ADIPOR2: variants seen among roughly 807,000 people sequenced by gnomAD.
The protein encoded by ADIPOR2 is adiponectin receptor 2.
Under a neutral mutation model 40.9 loss-of-function variants are expected in ADIPOR2, and 18 were observed. The observed-to-expected ratio is 0.44, with a 90% CI of 0.30 to 0.65. ADIPOR2 has a LOEUF of 0.65. ADIPOR2 is among the 30% of genes least tolerant of loss of function. The pLI is 0.09. For missense variants in ADIPOR2, 283 were observed against 479.2 expected (o/e 0.59, Z 3.82); for synonymous variants, 165 against 166.4 (o/e 0.99, Z 0.06).
intron 1 of ADIPOR2, among the ~76,000 whole-genome samples, chr12:1,704,435 T>G (rs1486161861): frequency 6.6e-6 from 1 of 152,208 alleles, no homozygotes; most frequent in Non-Finnish European, 1.5e-5. Context: ...TGCTTTCACT[T>G]AAAAAAGAAA....
At chr12:1,723,662 A>AC (rs1555167483) in intron 1 of ADIPOR2, among the ~76,000 whole-genome samples, 5 of 150,260 alleles carry the variant, frequency 3.3e-5, no homozygotes, top group East Asian at 2.0e-4. Flanking sequence ...AAACAAAACA[A>AC]AACAACAACA....
chr12:1,724,297 T>C (rs893670330), intron 1 of ADIPOR2, among the ~76,000 whole-genome samples: 4 of 152,136 alleles, frequency 2.6e-5, no homozygotes, highest in East Asian at 1.9e-4. Context: ...TGGAATCTTA[T>C]TTCACCTTTC....
In ADIPOR2 at chr12:1,691,989, T is replaced by C. The variant is rs189851128; in HGVS notation, c.-87+798T>C. Among the ~76,000 whole-genome samples, 62 of 152,258 alleles carry C rather than the reference T, an allele frequency of 4.1e-4. No individual in the cohort carries two copies. The East Asian group carries it at 9.6e-3, about 24-fold the overall frequency. ...GGGGTACGGTGACTTCATTGCAGGT[T>C]GTTGACTTTTTTTTTAAAATAAGAT... On this transcript the variant is annotated intron_variant, in intron 1 of 7. Coordinates refer to ENST00000357103, the MANE Select transcript of ADIPOR2 (RefSeq NM_024551.3).
At chr12:1,723,405 G>T (rs1355727535) in intron 1 of ADIPOR2, among the ~76,000 whole-genome samples, 1 of 150,708 alleles carries the variant, frequency 6.6e-6, no homozygotes, top group African/African-American at 2.4e-5. Flanking sequence ...TGAGGCAGGT[G>T]GATCACCTGA....
chr12:1,723,765 C>T (rs1402956619), intron 1 of ADIPOR2, among the ~76,000 whole-genome samples: 2 of 152,116 alleles, frequency 1.3e-5, no homozygotes, highest in African/African-American at 4.8e-5. Flanking sequence ...AAAACAGTAA[C>T]GTGAGTCCTC....
chr12:1,746,918 A>G (rs1463546333), intron 1 of ADIPOR2, among the ~76,000 whole-genome samples: 1 of 152,098 alleles, frequency 6.6e-6, no homozygotes, highest in Non-Finnish European at 1.5e-5. Context: ...TGTCCCAGCT[A>G]CTTGGAAGGC....
chr12:1,757,426 T>C (rs1862157166), intron 2 of ADIPOR2: 1 of 728,840 alleles, frequency 1.4e-6, no homozygotes, highest in African/African-American at 1.7e-5. Flanking sequence ...CCAGAGTGCC[T>C]CTCTCTGTTG....
intron 1 of ADIPOR2, among the ~76,000 whole-genome samples, chr12:1,748,288 G>T (rs12372053): frequency 2.0e-5 from 3 of 151,634 alleles, no homozygotes; most frequent in Non-Finnish European, 4.4e-5. Flanking sequence ...TCTCTCTGTC[G>T]CCCAGGCTGG....
intron 7 of ADIPOR2, among the ~76,000 whole-genome samples, chr12:1,785,695 A>G (rs1862815220): frequency 6.6e-6 from 1 of 152,062 alleles, no homozygotes; most frequent in Non-Finnish European, 1.5e-5. Flanking sequence ...TTAAGTTTGT[A>G]GATTTTTATG....
intron 2 of ADIPOR2, among the ~76,000 whole-genome samples, chr12:1,764,241 G>A (rs567688632): frequency 4.0e-5 from 6 of 151,884 alleles, no homozygotes; most frequent in Non-Finnish European, 8.8e-5. Context: ...ATACTTTTTT[G>A]TAATGGGATA....
At chr12:1,734,593 T>C (rs1461084514) in intron 1 of ADIPOR2, among the ~76,000 whole-genome samples, 3 of 152,270 alleles carry the variant, frequency 2.0e-5, no homozygotes, top group African/African-American at 7.2e-5. Flanking sequence ...TTTCTTTTGC[T>C]GTGCAGAAGC....
chr12:1,725,782 T>C (rs984803689), intron 1 of ADIPOR2, among the ~76,000 whole-genome samples: 1 of 152,210 alleles, frequency 6.6e-6, no homozygotes, highest in African/African-American at 2.4e-5. Flanking sequence ...AAAGCCTACG[T>C]TAATGCATTG....
At chr12:1,733,362 C>T (rs888208080) in intron 1 of ADIPOR2, among the ~76,000 whole-genome samples, 4 of 151,948 alleles carry the variant, frequency 2.6e-5, no homozygotes, top group East Asian at 1.9e-4. Flanking sequence ...ACAGATGCTC[C>T]CTTATATATA....
chr12:1,754,529 A>G lies in ADIPOR2; in HGVS notation c.171+15A>G, dbSNP rs761095428. 4.4e-5 allele frequency: 70 copies of G among 1,590,110 alleles called. No individual in the cohort carries two copies. The highest frequency in any genetic ancestry group is 6.0e-5 in the Non-Finnish European group (70 of 1,169,150). On this transcript the variant is annotated intron_variant, in intron 2 of 7. Coordinates refer to ENST00000357103, the MANE Select transcript of ADIPOR2 (RefSeq NM_024551.3). ...ATCATAAAAAAGTAAGTCAAATTGGAAGAATGATAAACAAAGGAAAAAATG... is the reference window on the plus strand; with the variant it reads ...ATCATAAAAAAGTAAGTCAAATTGGGAGAATGATAAACAAAGGAAAAAATG...
At chr12:1,723,984 C>A (rs1037815047) in intron 1 of ADIPOR2, among the ~76,000 whole-genome samples, 1 of 144,260 alleles carries the variant, frequency 6.9e-6, no homozygotes, top group African/African-American at 2.5e-5. Context: ...AAAATGGAAT[C>A]TTTTTTTTTT....
intron 1 of ADIPOR2, among the ~76,000 whole-genome samples, chr12:1,691,812 G>A (rs77946176): frequency 6.6e-6 from 1 of 152,144 alleles, no homozygotes; most frequent in Non-Finnish European, 1.5e-5. Flanking sequence ...AGGGGGCTCG[G>A]AGAGAGTTTG....
chr12:1,745,041 T>C (rs192500642), intron 1 of ADIPOR2, among the ~76,000 whole-genome samples: 1 of 152,196 alleles, frequency 6.6e-6, no homozygotes, highest in Non-Finnish European at 1.5e-5. Flanking sequence ...CAGCACTGTT[T>C]GGTGGATGCC....
chr12:1,750,397 A>G (rs997892923), intron 1 of ADIPOR2, among the ~76,000 whole-genome samples: 4 of 121,650 alleles, frequency 3.3e-5, no homozygotes, highest in African/African-American at 1.0e-4. Flanking sequence ...CATCACTACA[A>G]GAAATTAAAA....
intron 4 of ADIPOR2, chr12:1,778,739 G>A (rs974509597): frequency 6.6e-6 from 1 of 152,108 alleles, no homozygotes; most frequent in South Asian, 2.1e-4. Context: ...GCATTATCAA[G>A]AAAGTGAAAA....
Sources: gnomAD v4.1 joint callset for allele counts (sites outside exome capture counted in the v4.1 genomes callset) on GRCh38, gnomAD v4.1.1 for gene constraint, MANE v1.5 for transcripts, NCBI Gene and HGNC (gene_info 2026-07-23, HGNC 2026-07-21) for gene names.